The following PABPC4L variants were observed in gnomAD, a reference collection of about 807,000 sequenced individuals.
The protein encoded by PABPC4L is poly(A) binding protein cytoplasmic 4 like, also known as polyadenylate-binding protein 4-like.
For synonymous variants in PABPC4L, 169 were observed against 164.1 expected (o/e 1.03, Z -0.23); for missense variants, 452 against 451.4 (o/e 1.00, Z -0.01).
chr4:133,975,478 A>T, the PABPC4L span, among the ~76,000 whole-genome samples: 3 of 152,258 alleles, frequency 2.0e-5, no homozygotes, highest in South Asian at 6.2e-4. Context: ...GGTGATTTTT[A>T]TATTACGTGA....
chr4:133,999,264 G>A, the PABPC4L span, among the ~76,000 whole-genome samples: 1 of 151,862 alleles, frequency 6.6e-6, no homozygotes, highest in South Asian at 2.1e-4. Flanking sequence ...TTTGTTTTAG[G>A]GAACTCAGCC....
chr4:134,094,996 T>C, the PABPC4L span, among the ~76,000 whole-genome samples: 6 of 151,796 alleles, frequency 4.0e-5, no homozygotes, highest in Non-Finnish European at 8.8e-5. Flanking sequence ...GTGTTTGCAT[T>C]AGAATCATCA....
chr4:134,110,559 TTGTGTGTGTGTGTGTGTGTGTG>T, the PABPC4L span, among the ~76,000 whole-genome samples: 4 of 144,644 alleles, frequency 2.8e-5, no homozygotes, highest in South Asian at 2.2e-4. Flanking sequence ...TCTCTCTGTC[TTGTGTGTGTGTGTGTGTGTGTG>T]TGTGTGTGTG....
chr4:134,017,491 G>A, the PABPC4L span, among the ~76,000 whole-genome samples: 5 of 151,922 alleles, frequency 3.3e-5, no homozygotes, highest in Admixed American at 1.3e-4. Context: ...TTACACTGCC[G>A]GTTTACACTG....
the PABPC4L span, among the ~76,000 whole-genome samples, chr4:134,139,040 G>C: frequency 6.6e-6 from 1 of 151,800 alleles, no homozygotes; most frequent in Non-Finnish European, 1.5e-5. Context: ...TCCTAAAAAA[G>C]TCCTGTAGAG....
the PABPC4L span, among the ~76,000 whole-genome samples, chr4:134,106,085 T>C: frequency 1.3e-5 from 2 of 151,674 alleles, no homozygotes; most frequent in African/African-American, 4.8e-5. Context: ...TGTTTTATTA[T>C]GGTCAATATT....
the PABPC4L span, among the ~76,000 whole-genome samples, chr4:134,014,003 T>A: frequency 7.7e-3 from 1,175 of 152,240 alleles, 50 homozygotes; most frequent in East Asian, 0.1. Flanking sequence ...AAAGGCATAG[T>A]CAAGGTTAAT....
chr4:134,035,112 G>T, the PABPC4L span, among the ~76,000 whole-genome samples: 2,311 of 152,058 alleles, frequency 0.015, 27 homozygotes, highest in Admixed American at 0.025. Flanking sequence ...TCTGCCAACA[G>T]CAAAAAGATT....
the PABPC4L span, among the ~76,000 whole-genome samples, chr4:133,972,048 T>A: frequency 1.3e-5 from 2 of 152,196 alleles, no homozygotes; most frequent in African/African-American, 4.8e-5. Context: ...AAATAAACCA[T>A]GCTTAACTTT....
At chr4:134,130,515 T>G in the PABPC4L span, among the ~76,000 whole-genome samples, 2 of 151,776 alleles carry the variant, frequency 1.3e-5, no homozygotes, top group East Asian at 3.9e-4. Context: ...AAATAACAAG[T>G]GCAAGATTGA....
At chr4:134,060,268 C>A in the PABPC4L span, among the ~76,000 whole-genome samples, 3 of 151,830 alleles carry the variant, frequency 2.0e-5, no homozygotes, top group East Asian at 5.9e-4. Flanking sequence ...GCTGTCTAGG[C>A]AATAAGGACT....
chr4:133,974,147 G>A, the PABPC4L span, among the ~76,000 whole-genome samples: 1 of 152,052 alleles, frequency 6.6e-6, no homozygotes, highest in African/African-American at 2.4e-5. Flanking sequence ...TATGCTACTG[G>A]CATAAGGATA....
At chr4:133,968,472 A>G in the PABPC4L span, among the ~76,000 whole-genome samples, 1 of 152,214 alleles carries the variant, frequency 6.6e-6, no homozygotes, top group African/African-American at 2.4e-5. Flanking sequence ...TTGGGGCTGA[A>G]TAACACAAAC....
chr4:133,976,027 G>A, the PABPC4L span, among the ~76,000 whole-genome samples: 1 of 152,094 alleles, frequency 6.6e-6, no homozygotes, highest in Non-Finnish European at 1.5e-5. Flanking sequence ...AGGTAAATGT[G>A]TGCCATAGTG....
At chr4:134,181,530 C>T in the PABPC4L span, among the ~76,000 whole-genome samples, 1 of 152,060 alleles carries the variant, frequency 6.6e-6, no homozygotes, top group African/African-American at 2.4e-5. Context: ...AGTAATCAGG[C>T]AAGACTAAGA....
At chr4:134,073,428 TG>T in the PABPC4L span, among the ~76,000 whole-genome samples, 21 of 152,340 alleles carry the variant, frequency 1.4e-4, 1 homozygote, top group Admixed American at 7.8e-4. Flanking sequence ...TCTGCCTCTG[TG>T]GCTCTGCAGG....
chr4:134,188,732 T>C, the PABPC4L span, among the ~76,000 whole-genome samples: 7 of 152,200 alleles, frequency 4.6e-5, no homozygotes, highest in South Asian at 8.3e-4. Flanking sequence ...CAAAACTTTA[T>C]ATTTGTCTTT....
At chr4:134,171,756 C>T in the PABPC4L span, among the ~76,000 whole-genome samples, 8 of 152,104 alleles carry the variant, frequency 5.3e-5, no homozygotes, top group South Asian at 1.7e-3. Context: ...GATGCTATAC[C>T]TAGAAAAACC....
chr4:134,063,844 G>C, the PABPC4L span, among the ~76,000 whole-genome samples: 20 of 152,036 alleles, frequency 1.3e-4, no homozygotes, highest in East Asian at 3.9e-3. Context: ...TCTTCTGTTA[G>C]ATATGAAATA....
Sources: gnomAD v4.1 joint callset for allele counts (sites outside exome capture counted in the v4.1 genomes callset) on GRCh38, gnomAD v4.1.1 for gene constraint, MANE v1.5 for transcripts, NCBI Gene and HGNC (gene_info 2026-07-23, HGNC 2026-07-21) for gene names.